The following AGMO variants were observed in gnomAD, a reference collection of about 807,000 sequenced individuals.
AGMO encodes the protein glyceryl-ether monooxygenase.
In AGMO, 75 loss-of-function variants were observed where a neutral mutation model predicts 60.2. The observed-to-expected ratio is 1.25, with a 90% CI of 1.03 to 1.51. The LOEUF is 1.51. AGMO is among the 40% of genes most tolerant of loss of function. AGMO has a pLI of 0.00. For synonymous variants in AGMO, 261 were observed against 177.1 expected (o/e 1.47, Z -3.76); for missense variants, 763 against 525.5 (o/e 1.45, Z -4.42).
chr7:15,121,637 A>T, the AGMO span, among the ~76,000 whole-genome samples: 2 of 152,066 alleles, frequency 1.3e-5, no homozygotes, highest in Non-Finnish European at 2.9e-5. Context: ...ATCCTAAGCT[A>T]AAAGAACAAA....
intron 3 of AGMO, among the ~76,000 whole-genome samples, chr7:15,531,084 A>ATATATTC (rs1562556625): frequency 5.3e-4 from 3 of 5,636 alleles, no homozygotes; most frequent in African/African-American, 3.5e-3. Flanking sequence ...TATATATTCT[A>ATATATTC]TATATATATT....
intron 2 of AGMO, among the ~76,000 whole-genome samples, chr7:15,550,924 T>C (rs1467538579): frequency 7.3e-6 from 1 of 137,026 alleles, no homozygotes; most frequent in African/African-American, 2.8e-5. Context: ...CTCAATAAAA[T>C]ACTGGCAAAC....
chr7:15,538,122 C>T (rs1246125940), intron 3 of AGMO, among the ~76,000 whole-genome samples: 1 of 151,986 alleles, frequency 6.6e-6, no homozygotes, highest in Admixed American at 6.6e-5. Flanking sequence ...ACTTCAAGGA[C>T]TGAGGAAAAG....
At chr7:15,181,564 T>C in the AGMO span, among the ~76,000 whole-genome samples, 38 of 152,294 alleles carry the variant, frequency 2.5e-4, no homozygotes, top group East Asian at 6.4e-3. Context: ...TTTTATTCCA[T>C]TGCTCTTAAT....
chr7:15,508,881 G>A (rs926566974), intron 3 of AGMO, among the ~76,000 whole-genome samples: 2 of 152,138 alleles, frequency 1.3e-5, no homozygotes, highest in African/African-American at 4.8e-5. Context: ...TCAGGTGAAT[G>A]TAATTAAATG....
chr7:15,295,151 A>C (rs895442708), intron 12 of AGMO, among the ~76,000 whole-genome samples: 1 of 151,966 alleles, frequency 6.6e-6, no homozygotes, highest in Non-Finnish European at 1.5e-5. Flanking sequence ...AGCTACACAA[A>C]CTATGAAAAT....
chr7:15,462,220 T>C (rs775037432), intron 3 of AGMO, among the ~76,000 whole-genome samples: 38 of 152,138 alleles, frequency 2.5e-4, no homozygotes, highest in Non-Finnish European at 4.4e-4. Context: ...CCCTAAAGTA[T>C]GCATCACACA....
the AGMO span, among the ~76,000 whole-genome samples, chr7:15,165,210 T>C: frequency 6.6e-6 from 1 of 152,038 alleles, no homozygotes; most frequent in South Asian, 2.1e-4. Flanking sequence ...AAGAAAATAA[T>C]AGACACTAGG....
the AGMO span, among the ~76,000 whole-genome samples, chr7:15,191,538 A>C: frequency 6.6e-6 from 1 of 152,174 alleles, no homozygotes; most frequent in Non-Finnish European, 1.5e-5. Flanking sequence ...CAAACTACTG[A>C]ACATGAACTT....
the AGMO span, among the ~76,000 whole-genome samples, chr7:15,161,425 T>TATAA: frequency 1.3e-5 from 2 of 151,872 alleles, no homozygotes; most frequent in East Asian, 3.9e-4. Flanking sequence ...TCTCTCTATA[T>TATAA]ATAAATATGT....
chr7:15,430,832 G>C (rs1781214285), intron 4 of AGMO, among the ~76,000 whole-genome samples, 173 bp downstream of exon 4: 1 of 151,124 alleles, frequency 6.6e-6, no homozygotes, highest in East Asian at 1.9e-4. Flanking sequence ...CTTCATGTGT[G>C]TCTGGCCTTA....
At chr7:15,119,165 G>A in the AGMO span, among the ~76,000 whole-genome samples, 2 of 151,736 alleles carry the variant, frequency 1.3e-5, no homozygotes, top group African/African-American at 4.8e-5. Flanking sequence ...ATCTCATGTT[G>A]AAATGTAATC....
chr7:15,259,581 A>T (rs762613396), intron 12 of AGMO, among the ~76,000 whole-genome samples: 2 of 152,134 alleles, frequency 1.3e-5, no homozygotes, highest in Non-Finnish European at 2.9e-5. Context: ...CATTGCTAAA[A>T]GATCATCGCC....
At position 15,355,477 on chromosome 7, in the gene AGMO, C is replaced by A. The variant is rs976106134; in HGVS notation, c.1263+10037G>T. ...CAGATCATGCCACTGCACACTCCAG[C>A]CTGGACAACTGAGTGAGACTCTGTC... On this transcript the variant is annotated intron_variant, in intron 12 of 12. Coordinates refer to ENST00000342526, the MANE Select transcript of AGMO (RefSeq NM_001004320.2). Among the ~76,000 whole-genome samples the A allele has an allele frequency of 2.4e-5, 3 of 126,088 alleles. No individual in the cohort carries two copies. In the East Asian group the frequency reaches 6.9e-4, roughly 29 times the overall value. The allele number at this position is 126,088 out of a possible 152,430, so 82.7% of individuals were successfully genotyped here. A position where few individuals can be genotyped will look rare whatever the true frequency, so the allele number is the denominator to read the frequency against.
rs536027963 is a variant in AGMO, at chr7:15,459,667, G to T, written c.410-28559C>A. Among the ~76,000 whole-genome samples, 12 of 136,306 alleles carry T rather than the reference G, an allele frequency of 8.8e-5. No individual in the cohort carries two copies. The South Asian group carries it at 2.7e-3, about 31-fold the overall frequency. The allele number at this position is 136,306 out of a possible 152,430, so 89.4% of individuals were successfully genotyped here. ...AAAAACATCACACCACCCAAGTCATGAATTTAATAATTTTTGCTCATAGAT... is the reference window on the plus strand; with the variant it reads ...AAAAACATCACACCACCCAAGTCATTAATTTAATAATTTTTGCTCATAGAT... On this transcript the variant is annotated intron_variant, in intron 3 of 12. Coordinates refer to ENST00000342526, the MANE Select transcript of AGMO (RefSeq NM_001004320.2).
intron 3 of AGMO, among the ~76,000 whole-genome samples, chr7:15,495,707 C>T (rs1234466963): frequency 6.6e-6 from 1 of 152,070 alleles, no homozygotes; most frequent in Non-Finnish European, 1.5e-5. Flanking sequence ...AGTCCAAGAT[C>T]AAGGTTCTAG....
rs184873102 is a variant in AGMO at position 15,485,532 on chromosome 7, T to C, written c.410-54424A>G. On this transcript the variant is annotated intron_variant, in intron 3 of 12. Coordinates refer to ENST00000342526, the MANE Select transcript of AGMO (RefSeq NM_001004320.2). Reference sequence around the variant, plus strand: ...CAGATGAGGTCTCTGGGGTGGTTAATGCTTTTTTGGTCAGGGAACCCTGTT... The same window carrying C: ...CAGATGAGGTCTCTGGGGTGGTTAACGCTTTTTTGGTCAGGGAACCCTGTT... Among the ~76,000 whole-genome samples, 48 of 152,258 alleles carry C rather than the reference T, an allele frequency of 3.2e-4. No individual in the cohort carries two copies. The East Asian group carries it at 6.0e-3, about 19-fold the overall frequency.
At chr7:15,342,797 A>AC (rs1781904105) in intron 12 of AGMO, among the ~76,000 whole-genome samples, 5 of 149,884 alleles carry the variant, frequency 3.3e-5, no homozygotes, top group East Asian at 2.0e-4. Context: ...AAAAAAAAAA[A>AC]AAAAAAAATT....
chr7:15,368,889 AT>A (rs1257973327), intron 10 of AGMO, among the ~76,000 whole-genome samples: 2 of 152,282 alleles, frequency 1.3e-5, no homozygotes, highest in Non-Finnish European at 2.9e-5. Flanking sequence ...AACCAACTTG[AT>A]GCAGGAATCC....
Sources: allele counts gnomAD v4.1 joint callset (sites outside exome capture counted in the v4.1 genomes callset), GRCh38; gene constraint gnomAD v4.1.1; transcripts MANE v1.5; gene names NCBI Gene and HGNC (gene_info 2026-07-23, HGNC 2026-07-21).